Variants in CBLB observed in about 807,000 individuals in gnomAD.
CBLB encodes the protein E3 ubiquitin-protein ligase CBL-B.
In CBLB, 31 loss-of-function variants were observed where a neutral mutation model predicts 104.9. That is an observed-to-expected ratio of 0.30 (90% CI 0.22 to 0.40). The LOEUF is 0.40. Ranked by LOEUF, CBLB falls within the 10% of genes least tolerant of loss-of-function variation. The probability of loss-of-function intolerance (pLI) is 1.00; values close to 1 mark genes in which losing one functional copy is unlikely to be tolerated. For missense variants in CBLB, 1,062 were observed against 1,214.6 expected, an observed-to-expected ratio of 0.87 and a Z score of 1.87; for synonymous variants, 440 against 422.6, an observed-to-expected ratio of 1.04 and a Z score of -0.51.
intron 3 of CBLB, among the ~76,000 whole-genome samples, chr3:105,780,665 T>TTG (rs199643553): frequency 0.014 from 1,711 of 123,446 alleles, 20 homozygotes; most frequent in Admixed American, 0.032. Context: ...TTTTTGTTTT[T>TTG]TTTTTTTTTT....
chr3:105,740,939 G>A (rs1231420282), intron 6 of CBLB, among the ~76,000 whole-genome samples: 1 of 152,036 alleles, frequency 6.6e-6, no homozygotes, highest in East Asian at 1.9e-4. Context: ...AATGCTGATG[G>A]CATGGAATAG....
At chr3:105,783,568 G>C (rs1383261468) in intron 3 of CBLB, among the ~76,000 whole-genome samples, 4 of 152,130 alleles carry the variant, frequency 2.6e-5, no homozygotes, top group Non-Finnish European at 4.4e-5. Flanking sequence ...TTATACGCCA[G>C]GCTTAGTCTA....
intron 4 of CBLB, among the ~76,000 whole-genome samples, chr3:105,775,567 C>T (rs1384413348): frequency 6.6e-6 from 1 of 152,158 alleles, no homozygotes; most frequent in Non-Finnish European, 1.5e-5. Flanking sequence ...CAGGGCTTTG[C>T]CTACATTCTA....
intron 3 of CBLB, among the ~76,000 whole-genome samples, chr3:105,832,498 T>G (rs1408750305): frequency 6.6e-6 from 1 of 152,216 alleles, no homozygotes; most frequent in Non-Finnish European, 1.5e-5. Flanking sequence ...AAGACCCTTT[T>G]CATCCTTTTT....
At chr3:105,743,973 A>G (rs1051535869) in intron 6 of CBLB, among the ~76,000 whole-genome samples, 14 of 152,218 alleles carry the variant, frequency 9.2e-5, no homozygotes, top group African/African-American at 3.4e-4. Context: ...ACATTATTCT[A>G]GTTTTTTAAG....
intron 3 of CBLB, among the ~76,000 whole-genome samples, chr3:105,825,476 T>G (rs1012342149): frequency 2.6e-5 from 4 of 152,222 alleles, no homozygotes; most frequent in Non-Finnish European, 4.4e-5. Flanking sequence ...ATATTTTATG[T>G]TCACTCTCTA....
intron 3 of CBLB, among the ~76,000 whole-genome samples, chr3:105,809,558 C>T (rs963939043): frequency 6.6e-6 from 1 of 152,150 alleles, no homozygotes; most frequent in Non-Finnish European, 1.5e-5. Flanking sequence ...AACCTCATTA[C>T]CATCTTGGAT....
At chr3:105,690,584 G>A (rs2067553897) in intron 13 of CBLB, among the ~76,000 whole-genome samples, 2 of 152,170 alleles carry the variant, frequency 1.3e-5, no homozygotes, top group African/African-American at 4.8e-5. Flanking sequence ...AGCACTTTGG[G>A]AGTGTGAGGC....
chr3:105,692,458 A>C (rs1321160024), intron 13 of CBLB, among the ~76,000 whole-genome samples: 1 of 152,204 alleles, frequency 6.6e-6, no homozygotes, highest in East Asian at 1.9e-4. Context: ...AAGTCACAGA[A>C]CATTTCACAA....
chr3:105,678,941 A>G (rs2065971953), intron 16 of CBLB, among the ~76,000 whole-genome samples: 1 of 152,186 alleles, frequency 6.6e-6, no homozygotes, highest in South Asian at 2.1e-4. Context: ...CACTATGAAA[A>G]CAGGATTTTC....
At chr3:105,688,728 A>G (rs2067306480) in intron 13 of CBLB, among the ~76,000 whole-genome samples, 1 of 152,016 alleles carries the variant, frequency 6.6e-6, no homozygotes, top group Non-Finnish European at 1.5e-5. Flanking sequence ...ATTTGAAATG[A>G]TTTTTGCACA....
chr3:105,749,140 T>C (rs115868309), intron 5 of CBLB, among the ~76,000 whole-genome samples: 1,561 of 152,318 alleles, frequency 0.01, 11 homozygotes, highest in Non-Finnish European at 0.014. Context: ...TCTACTTCTC[T>C]ATAAACAGAA....
At chr3:105,758,282 T>C (rs2077260921) in intron 4 of CBLB, among the ~76,000 whole-genome samples, 3 of 152,170 alleles carry the variant, frequency 2.0e-5, no homozygotes, top group African/African-American at 7.2e-5. Flanking sequence ...ATGGCAACCA[T>C]AGTTACCAAG....
intron 13 of CBLB, among the ~76,000 whole-genome samples, chr3:105,691,173 G>A (rs370063701): frequency 2.0e-5 from 3 of 152,142 alleles, no homozygotes; most frequent in Non-Finnish European, 4.4e-5. Context: ...GCTACCCACA[G>A]AGTCAGAAAC....
chr3:105,785,076 C>T (rs1426707032), intron 3 of CBLB, among the ~76,000 whole-genome samples: 1 of 152,190 alleles, frequency 6.6e-6, no homozygotes, highest in East Asian at 1.9e-4. Flanking sequence ...CCTTGAAGGG[C>T]ACCATGGTTA....
Position 105,682,825 on chromosome 3 carries a change from G to A in CBLB, c.2202-1007C>T, listed in dbSNP as rs1043986106. Among the ~76,000 whole-genome samples, 4 of 152,144 alleles carry A rather than the reference G, an allele frequency of 2.6e-5. No homozygotes were observed. The East Asian group carries it at 5.8e-4, about 22-fold the overall frequency. On this transcript the variant is annotated intron_variant, in intron 14 of 18. Coordinates refer to ENST00000394030, the MANE Select transcript of CBLB (RefSeq NM_170662.5). ...GCCAAATTATTGGTATTAATTCTTC[G>A]GAATCATACTATGAACACAATGGTT...
chr3:105,686,358 G>C (rs975759369), intron 13 of CBLB, among the ~76,000 whole-genome samples: 5 of 151,562 alleles, frequency 3.3e-5, no homozygotes, highest in African/African-American at 1.2e-4. Flanking sequence ...CGACCAACTA[G>C]TTTGCAAGGC....
At chr3:105,737,357 A>C in intron 7 of CBLB, 99 bp from the exon 8 acceptor site, 2 of 570,296 alleles carry the variant, frequency 3.5e-6, no homozygotes, top group African/African-American at 1.9e-5. Flanking sequence ...ATACATTTGG[A>C]TGTTTCCTTT....
chr3:105,804,037 T>A (rs2083210605), intron 3 of CBLB, among the ~76,000 whole-genome samples: 1 of 152,148 alleles, frequency 6.6e-6, no homozygotes, highest in African/African-American at 2.4e-5. Flanking sequence ...ACTGCACACT[T>A]AAACTGCCTA....
Sources: gnomAD v4.1 joint callset for allele counts (sites outside exome capture counted in the v4.1 genomes callset) on GRCh38, gnomAD v4.1.1 for gene constraint, MANE v1.5 for transcripts, NCBI Gene and HGNC (gene_info 2026-07-23, HGNC 2026-07-21) for gene names.